The following MYO1D variants were observed in gnomAD, a reference collection of about 807,000 sequenced individuals.
MYO1D encodes the protein myosin ID.
In MYO1D, 83 loss-of-function variants were observed where a neutral mutation model predicts 122.0. That is an observed-to-expected ratio of 0.68 (90% CI 0.57 to 0.82). The LOEUF (loss-of-function observed/expected upper bound fraction) is 0.82, where lower values mean the gene tolerates loss of function less well. Among genes scored for constraint, MYO1D ranks in the 40% least tolerant of loss-of-function variants. The pLI, the probability that MYO1D is intolerant of heterozygous loss-of-function variation, is 0.00. For missense variants in MYO1D, 1,157 were observed against 1,269.5 expected (o/e 0.91, Z 1.35); for synonymous variants, 464 against 446.9 (o/e 1.04, Z -0.48).
chr17:32,555,030 T>C (rs889242624), intron 21 of MYO1D, among the ~76,000 whole-genome samples: 6 of 152,168 alleles, frequency 3.9e-5, no homozygotes, highest in African/African-American at 1.4e-4. Flanking sequence ...CCCGCAACTC[T>C]GTCTCTAGGA....
intron 16 of MYO1D, among the ~76,000 whole-genome samples, chr17:32,701,749 T>A (rs1021544350): frequency 2.6e-5 from 4 of 152,136 alleles, no homozygotes; most frequent in Admixed American, 2.0e-4. Context: ...TTTATTTTTG[T>A]AGAGATGGGG....
At chr17:32,808,922 G>A (rs2090544613) in intron 1 of MYO1D, among the ~76,000 whole-genome samples, 1 of 152,076 alleles carries the variant, frequency 6.6e-6, no homozygotes, top group Admixed American at 6.5e-5. Flanking sequence ...CTAAGACATT[G>A]AGAAATTTTG....
chr17:32,549,620 C>T (rs182131509), intron 21 of MYO1D, among the ~76,000 whole-genome samples: 2 of 152,240 alleles, frequency 1.3e-5, no homozygotes, highest in East Asian at 3.9e-4. Flanking sequence ...GAGTTGGATG[C>T]CATGCTAGGA....
Position 32,519,905 on chromosome 17 carries a change from A to ATTTTT in MYO1D, c.2865-24991_2865-24990insAAAAA, listed in dbSNP as rs1483731313. 6.9e-3 allele frequency among the ~76,000 whole-genome samples: 821 copies of ATTTTT among 118,672 alleles called. 7 individuals carry two copies. The highest frequency in any genetic ancestry group is 0.02 in the African/African-American group (551 of 27,606). The allele number at this position is 118,672 out of a possible 152,430, so 77.9% of individuals were successfully genotyped here. A position where few individuals can be genotyped will look rare whatever the true frequency, so the allele number is the denominator to read the frequency against. Reference sequence around the variant, plus strand: ...AAACAGCAGGCTTTTTTTTTTTAAAAAAAAAAACCAGGGCGATGTCTTAGC... The same window carrying ATTTTT: ...AAACAGCAGGCTTTTTTTTTTTAAAATTTTTAAAAAAACCAGGGCGATGTCTTAGC... On this transcript the variant is annotated intron_variant, in intron 21 of 21. Coordinates refer to ENST00000318217, the MANE Select transcript of MYO1D (RefSeq NM_015194.3).
rs192043068 is a variant in MYO1D, at chr17:32,653,756, G to A, written c.2595+87C>T. The A allele has an allele frequency of 4.1e-3, 4,630 of 1,129,574 alleles. 24 individuals carry two copies. Among genetic ancestry groups the A allele is most frequent in the Non-Finnish European group, 5.2e-3 (3,963 of 762,792 alleles). The allele number at this position is 1,129,574 out of a possible 1,614,324, so 70.0% of individuals were successfully genotyped here. On this transcript the variant is annotated intron_variant, in intron 19 of 21. Transcript: ENST00000318217. ...TGATGAAGCTAGTTATGTACCTACT[G>A]TTATGTTTTATTACAGGCTTGCTTA...
At chr17:32,546,461 C>T (rs1434603295) in intron 21 of MYO1D, among the ~76,000 whole-genome samples, 2 of 152,226 alleles carry the variant, frequency 1.3e-5, no homozygotes, top group Non-Finnish European at 2.9e-5. Flanking sequence ...CAGGGGCACA[C>T]AGAAAACCTA....
chr17:32,693,291 G>C (rs1185630662), intron 16 of MYO1D, among the ~76,000 whole-genome samples: 1 of 151,272 alleles, frequency 6.6e-6, no homozygotes, highest in Non-Finnish European at 1.5e-5. Context: ...ACCACCTATA[G>C]GGGCCAGAAA....
rs139130117 is a variant in MYO1D, at chr17:32,862,178, C to T, written c.95+14600G>A. On this transcript the variant is annotated intron_variant, in intron 1 of 21. Transcript: ENST00000318217. ...CATAAAGTGCCTTCCCTGTGACACACCCACATACTTGGACACGTCATTTCC... is the reference window on the plus strand; with the variant it reads ...CATAAAGTGCCTTCCCTGTGACACATCCACATACTTGGACACGTCATTTCC... Among the ~76,000 whole-genome samples the T allele has an allele frequency of 4.1e-3, 618 of 152,330 alleles. 2 individuals are homozygous for T. The highest frequency in any genetic ancestry group is 7.4e-3 in the Non-Finnish European group (506 of 68,024).
intron 16 of MYO1D, among the ~76,000 whole-genome samples, chr17:32,672,641 A>G (rs1259066240): frequency 6.6e-6 from 1 of 151,998 alleles, no homozygotes; most frequent in Non-Finnish European, 1.5e-5. Context: ...ATGCACCACC[A>G]CACCCAGCTA....
In MYO1D at chr17:32,521,977, G is replaced by A. The variant is rs558159103; in HGVS notation, c.2865-27062C>T. On this transcript the variant is annotated intron_variant, in intron 21 of 21. Coordinates refer to ENST00000318217, the MANE Select transcript of MYO1D (RefSeq NM_015194.3). ...GGCGCCTGTAATCCCAGCTACTCAG[G>A]AGGCTGAGGCAGGAGAATTGCTTGA... Among the ~76,000 whole-genome samples the A allele has an allele frequency of 7.3e-5, 11 of 151,484 alleles. No homozygotes were observed. The South Asian group carries it at 2.1e-3, about 29-fold the overall frequency.
At chr17:32,522,806 T>C (rs932402078) in intron 21 of MYO1D, among the ~76,000 whole-genome samples, 1 of 139,350 alleles carries the variant, frequency 7.2e-6, no homozygotes, top group Non-Finnish European at 1.5e-5. Flanking sequence ...TCAGTCTTAG[T>C]GTCCCCCATG....
chr17:32,754,810 T>C lies in MYO1D; in HGVS notation c.1467+682A>G, dbSNP rs77418707. Among the ~76,000 whole-genome samples the C allele has an allele frequency of 7.2e-4, 109 of 152,292 alleles. 1 individual carries two copies. The East Asian group carries it at 0.018, about 25-fold the overall frequency. On this transcript the variant is annotated intron_variant, in intron 11 of 21. Transcript: ENST00000318217. Reference sequence around the variant, plus strand: ...TTCTAACACAAATTTCTTGAACAAATATTAATAGCAAACATATTCCATGCA... The same window carrying C: ...TTCTAACACAAATTTCTTGAACAAACATTAATAGCAAACATATTCCATGCA...
chr17:32,629,198 G>C (rs555997487), intron 20 of MYO1D, among the ~76,000 whole-genome samples: 1 of 152,330 alleles, frequency 6.6e-6, no homozygotes, highest in African/African-American at 2.4e-5. Flanking sequence ...TAAAATGATA[G>C]TGGTTCCCGT....
intron 1 of MYO1D, among the ~76,000 whole-genome samples, chr17:32,852,272 C>T (rs2090995831): frequency 6.6e-6 from 1 of 152,108 alleles, no homozygotes; most frequent in African/African-American, 2.4e-5. Context: ...ACTACGGGCA[C>T]ATGCTACCAC....
intron 16 of MYO1D, among the ~76,000 whole-genome samples, chr17:32,703,984 A>T (rs868561596): frequency 1.3e-5 from 2 of 152,246 alleles, no homozygotes; most frequent in Admixed American, 6.5e-5. Context: ...ATCAGTGTGG[A>T]CAGATTTATC....
intron 20 of MYO1D, among the ~76,000 whole-genome samples, chr17:32,617,444 T>A (rs1053906548): frequency 6.6e-6 from 1 of 152,170 alleles, no homozygotes; most frequent in African/African-American, 2.4e-5. Flanking sequence ...CTTTGCTCTT[T>A]TTTTTGAGAC....
intron 10 of MYO1D, among the ~76,000 whole-genome samples, chr17:32,759,305 C>G (rs939070211): frequency 6.6e-6 from 1 of 151,976 alleles, no homozygotes; most frequent in Admixed American, 6.6e-5. Context: ...AAGGCAGATA[C>G]AATTTTGAGG....
intron 20 of MYO1D, among the ~76,000 whole-genome samples, chr17:32,630,838 G>A (rs942523593): frequency 2.0e-4 from 30 of 152,172 alleles, no homozygotes; most frequent in African/African-American, 7.2e-4. Context: ...CTCTCAAAGT[G>A]CTGGGATTAC....
chr17:32,868,041 A>G (rs1303944902), intron 1 of MYO1D, among the ~76,000 whole-genome samples: 1 of 152,186 alleles, frequency 6.6e-6, no homozygotes, highest in Non-Finnish European at 1.5e-5. Context: ...AATCTCTTAA[A>G]TATGAATATA....
Sources: allele counts gnomAD v4.1 joint callset (sites outside exome capture counted in the v4.1 genomes callset), GRCh38; gene constraint gnomAD v4.1.1; transcripts MANE v1.5; gene names NCBI Gene and HGNC (gene_info 2026-07-23, HGNC 2026-07-21).